Variants in PHKB observed in about 807,000 individuals in gnomAD.
PHKB encodes phosphorylase b kinase regulatory subunit beta.
Under a neutral mutation model 152.1 loss-of-function variants are expected in PHKB, and 122 were observed. The observed-to-expected ratio is 0.80, with a 90% CI of 0.69 to 0.93. The LOEUF (loss-of-function observed/expected upper bound fraction) is 0.93, where lower values mean the gene tolerates loss of function less well. Among genes scored for constraint, PHKB ranks in the 40% least tolerant of loss-of-function variants. PHKB has a pLI of 0.00. For synonymous variants in PHKB, 436 were observed against 464.9 expected (o/e 0.94, Z 0.80); for missense variants, 1,304 against 1,328.4 (o/e 0.98, Z 0.29).
intron 13 of PHKB, among the ~76,000 whole-genome samples, chr16:47,608,475 C>T (rs1460956443): frequency 2.0e-5 from 3 of 152,186 alleles, no homozygotes; most frequent in Admixed American, 1.3e-4. Flanking sequence ...GTAATCCCAA[C>T]ACTTTTGGAG....
At chr16:47,663,903 C>A (rs141479603) in intron 24 of PHKB, 169 bp downstream of exon 24, 75 of 639,828 alleles carry the variant, frequency 1.2e-4, no homozygotes, top group Non-Finnish European at 5.3e-5. Flanking sequence ...TCTGTCCCCC[C>A]ACTGCCTCCA....
In PHKB at chr16:47,473,277, T is replaced by G. The variant is rs187985643; in HGVS notation, c.76+11851T>G. Among the ~76,000 whole-genome samples the G allele has an allele frequency of 4.2e-5, 6 of 142,100 alleles. No homozygotes were observed. The East Asian group carries it at 1.3e-3, about 32-fold the overall frequency. The allele number at this position is 142,100 out of a possible 152,430, so 93.2% of individuals were successfully genotyped here. A position where few individuals can be genotyped will look rare whatever the true frequency, so the allele number is the denominator to read the frequency against. On this transcript the variant is annotated intron_variant, in intron 1 of 30. Coordinates refer to ENST00000323584, the MANE Select transcript of PHKB (RefSeq NM_000293.3). ...TATTGTAGAGACAAGTCCTCACTAT[T>G]TTGCCCAGGCTGGTCTGGAACTCCC...
At chr16:47,603,337 A>T (rs2151705586) in intron 13 of PHKB, among the ~76,000 whole-genome samples, 1 of 152,320 alleles carries the variant, frequency 6.6e-6, no homozygotes, top group Non-Finnish European at 1.5e-5. Flanking sequence ...GGAAACTTCA[A>T]GAATATTTTC....
At chr16:47,549,479 C>T (rs565293272) in intron 7 of PHKB, among the ~76,000 whole-genome samples, 1 of 151,952 alleles carries the variant, frequency 6.6e-6, no homozygotes, top group African/African-American at 2.4e-5. Context: ...CACCTGACAC[C>T]GGGGGTTTGA....
At chr16:47,523,045 G>C (rs1970712243) in intron 6 of PHKB, among the ~76,000 whole-genome samples, 1 of 122,076 alleles carries the variant, frequency 8.2e-6, no homozygotes, top group African/African-American at 3.1e-5. Flanking sequence ...AGTTCCTTTT[G>C]TTCTTTGTAC....
At chr16:47,473,045 T>G (rs1451969862) in intron 1 of PHKB, among the ~76,000 whole-genome samples, 1 of 151,144 alleles carries the variant, frequency 6.6e-6, no homozygotes, top group Non-Finnish European at 1.5e-5. Context: ...GATCTGTGTT[T>G]TTTTTTTTGT....
chr16:47,699,557 T>A lies in PHKB; in HGVS notation c.*191T>A. 1.5e-6 allele frequency: 1 copy of A among 666,932 alleles called. No homozygotes were observed. Among genetic ancestry groups the A allele is most frequent in the Admixed American group, 2.3e-5 (1 of 44,174 alleles). The allele number at this position is 666,932 out of a possible 1,614,324, so 41.3% of individuals were successfully genotyped here. A position where few individuals can be genotyped will look rare whatever the true frequency, so the allele number is the denominator to read the frequency against. On this transcript the variant is annotated 3_prime_UTR_variant, in exon 31 of 31. Transcript: ENST00000323584. Reference sequence around the variant, plus strand: ...TAACGGTAATGGTAAATGCTTTTAATCAAGCAGGAAAAAGTTCTCATGATT... The same window carrying A: ...TAACGGTAATGGTAAATGCTTTTAAACAAGCAGGAAAAAGTTCTCATGATT...
At chr16:47,478,465 AATT>A (rs1969906511) in intron 1 of PHKB, among the ~76,000 whole-genome samples, 1 of 144,652 alleles carries the variant, frequency 6.9e-6, no homozygotes. Flanking sequence ...ATTGCTGTGA[AATT>A]TTTTTTTTTT....
chr16:47,603,225 G>A lies in PHKB; in HGVS notation c.1363+6694G>A, dbSNP rs138881297. On this transcript the variant is annotated intron_variant, in intron 13 of 30. Coordinates refer to ENST00000323584, the MANE Select transcript of PHKB (RefSeq NM_000293.3). ...CAGTTGACTCTTCAGGATAGCACGT[G>A]GTTTTCTTACTGCTCCGTTCAAGAT... Among the ~76,000 whole-genome samples the A allele has an allele frequency of 3.6e-3, 547 of 152,200 alleles. 5 individuals are homozygous for A. The highest frequency in any genetic ancestry group is 0.02 in the Middle Eastern group (6 of 294).
chr16:47,549,479 C>A (rs565293272), intron 7 of PHKB, among the ~76,000 whole-genome samples: 1 of 151,952 alleles, frequency 6.6e-6, no homozygotes, highest in Non-Finnish European at 1.5e-5. Flanking sequence ...CACCTGACAC[C>A]GGGGGTTTGA....
intron 6 of PHKB, among the ~76,000 whole-genome samples, chr16:47,515,821 A>C (rs955810379): frequency 2.6e-5 from 4 of 152,110 alleles, no homozygotes; most frequent in South Asian, 2.1e-4. Context: ...GTAAAACTTT[A>C]CTCCCGTGAA....
chr16:47,532,503 T>C (rs991039171), intron 6 of PHKB, among the ~76,000 whole-genome samples: 2 of 152,160 alleles, frequency 1.3e-5, no homozygotes, highest in African/African-American at 4.8e-5. Context: ...ATGAGCCAGA[T>C]GTGGAGTGGT....
At chr16:47,551,208 T>C (rs1971264731) in intron 7 of PHKB, among the ~76,000 whole-genome samples, 1 of 152,154 alleles carries the variant, frequency 6.6e-6, no homozygotes, top group Non-Finnish European at 1.5e-5. Flanking sequence ...TGTGTCTCTA[T>C]CTCCTTCAGT....
chr16:47,470,828 T>G (rs1597009716), intron 1 of PHKB, among the ~76,000 whole-genome samples: 1 of 152,230 alleles, frequency 6.6e-6, no homozygotes, highest in Non-Finnish European at 1.5e-5. Context: ...ACCTCTCTGA[T>G]GTAGGAAGTT....
At chr16:47,596,720 T>A (rs762989823) in intron 13 of PHKB, among the ~76,000 whole-genome samples, 189 bp downstream of exon 13, 11 of 152,154 alleles carry the variant, frequency 7.2e-5, no homozygotes, top group Non-Finnish European at 1.3e-4. Flanking sequence ...GGACAGTTTC[T>A]GGAAAGAAAG....
intron 4 of PHKB, among the ~76,000 whole-genome samples, chr16:47,511,020 C>A (rs893488821): frequency 6.6e-6 from 1 of 151,920 alleles, no homozygotes; most frequent in Non-Finnish European, 1.5e-5. Flanking sequence ...TTTTTGGTCC[C>A]CAGAGTTTTT....
At chr16:47,658,477 TATA>T (rs770487868) in intron 20 of PHKB, among the ~76,000 whole-genome samples, 4 of 151,952 alleles carry the variant, frequency 2.6e-5, no homozygotes, top group South Asian at 2.1e-4. Flanking sequence ...TAATATATAT[TATA>T]ATAATTATTG....
chr16:47,656,515 C>T (rs1016595412), intron 20 of PHKB, among the ~76,000 whole-genome samples: 6 of 152,316 alleles, frequency 3.9e-5, no homozygotes, highest in South Asian at 2.1e-4. Context: ...ACTTTGCCAT[C>T]TCTAAAAATT....
intron 14 of PHKB, among the ~76,000 whole-genome samples, chr16:47,632,641 C>G (rs575801484): frequency 2.0e-5 from 3 of 152,100 alleles, no homozygotes; most frequent in African/African-American, 7.2e-5. Context: ...GACATGTCAC[C>G]AAAAACTTTT....
Sources: allele counts gnomAD v4.1 joint callset (sites outside exome capture counted in the v4.1 genomes callset), GRCh38; gene constraint gnomAD v4.1.1; transcripts MANE v1.5; gene names NCBI Gene and HGNC (gene_info 2026-07-23, HGNC 2026-07-21).